Variants in HCK observed in about 807,000 individuals in gnomAD.
The protein encoded by HCK is tyrosine-protein kinase HCK.
HCK carries 40 observed loss-of-function variants against 70.4 expected under a neutral mutation model. The observed-to-expected ratio is 0.57, with a 90% CI of 0.44 to 0.74. The LOEUF (loss-of-function observed/expected upper bound fraction) is 0.74. Ranked by LOEUF, HCK falls within the 30% of genes least tolerant of loss-of-function variation. The pLI is 0.00. For missense variants in HCK, 568 were observed against 697.2 expected (o/e 0.81, Z 2.09); for synonymous variants, 245 against 263.2 (o/e 0.93, Z 0.67).
intron 9 of HCK, among the ~76,000 whole-genome samples, 197 bp downstream of exon 9, chr20:32,087,004 T>A (rs1452044845): frequency 6.6e-6 from 1 of 151,894 alleles, no homozygotes; most frequent in Non-Finnish European, 1.5e-5. Context: ...TGTTAAGGGG[T>A]CACCAAGGGG....
chr20:32,053,620 A>G (rs1012725812), intron 1 of HCK, among the ~76,000 whole-genome samples: 10 of 139,552 alleles, frequency 7.2e-5, no homozygotes, highest in African/African-American at 2.8e-4. Flanking sequence ...CCTGGGCGAC[A>G]GAGAGAGACT....
At chr20:32,093,729 T>A in intron 10 of HCK, 134 bp from the exon 11 acceptor site, 1 of 799,094 alleles carries the variant, frequency 1.3e-6, no homozygotes, top group Non-Finnish European at 1.9e-6. Context: ...CCTGGGGCCC[T>A]CCCGACACAA....
At position 32,071,980 on chromosome 20, in the gene HCK, T is replaced by C. The variant is rs114502178; in HGVS notation, c.183+198T>C. ...TGCATAGGGGCAAAGAAGTCATCTC[T>C]CTTTCCTGCAGCCCAGGCTTGGCCC... is the stretch of plus-strand genomic sequence containing the variant. On this transcript the variant is annotated intron_variant, in intron 2 of 12. Coordinates refer to ENST00000375852, the MANE Select transcript of HCK (RefSeq NM_002110.5). 2,401 of 629,114 alleles carry C rather than the reference T, an allele frequency of 3.8e-3. 57 individuals are homozygous for C. The African/African-American group carries it at 0.039, about 10-fold the overall frequency. 39.0% of individuals were successfully genotyped at this position (629,114 alleles called of 1,614,324 possible).
At chr20:32,058,641 T>TACAC in intron 1 of HCK, among the ~76,000 whole-genome samples, 1 of 70,566 alleles carries the variant, frequency 1.4e-5, no homozygotes, top group African/African-American at 4.2e-5. Flanking sequence ...CACACACACA[T>TACAC]ACACACACTA....
chr20:32,062,908 G>A (rs75163777), intron 1 of HCK, among the ~76,000 whole-genome samples: 3,098 of 152,276 alleles, frequency 0.02, 77 homozygotes, highest in African/African-American at 0.059. Flanking sequence ...TTGCTGAGCT[G>A]TTCTGAGAAG....
chr20:32,068,390 T>A (rs1032613527), intron 1 of HCK, among the ~76,000 whole-genome samples: 2 of 131,924 alleles, frequency 1.5e-5, no homozygotes, highest in Non-Finnish European at 3.0e-5. Context: ...ATGAAAATAA[T>A]TTTTTTTTAA....
At chr20:32,094,781 G>GAA (rs1371645098) in intron 11 of HCK, among the ~76,000 whole-genome samples, 4,495 of 86,514 alleles carry the variant, frequency 0.052, 371 homozygotes, top group African/African-American at 0.085. Context: ...AAGAAAGAGA[G>GAA]AGAAAGAGAA....
intron 1 of HCK, among the ~76,000 whole-genome samples, chr20:32,066,868 G>A (rs573949826): frequency 6.6e-6 from 1 of 152,164 alleles, no homozygotes; most frequent in East Asian, 1.9e-4. Context: ...CCCTTTTTGA[G>A]TCTTGCAGTG....
intron 5 of HCK, among the ~76,000 whole-genome samples, chr20:32,079,206 T>A (rs749924758): frequency 3.9e-5 from 6 of 152,204 alleles, no homozygotes; most frequent in Non-Finnish European, 8.8e-5. Context: ...CTTTCCAATC[T>A]CACATTGTAG....
intron 2 of HCK, among the ~76,000 whole-genome samples, chr20:32,072,918 T>C (rs1334893063): frequency 6.6e-6 from 1 of 152,038 alleles, no homozygotes; most frequent in Non-Finnish European, 1.5e-5. Context: ...CGGGCCAACA[T>C]GGTGAAACCC....
chr20:32,094,791 A>AAG lies in HCK; in HGVS notation c.1246+777_1246+778dup, dbSNP rs1174680314. 4.0e-3 allele frequency among the ~76,000 whole-genome samples: 87 copies of AAG among 21,742 alleles called. 1 individual carries two copies. The highest frequency in any genetic ancestry group is 0.015 in the South Asian group (6 of 400). The allele number at this position is 21,742 out of a possible 152,430, so 14.3% of individuals were successfully genotyped here. ...AAAGAAAGAAAGAGAGAGAAAGAGA[A>AAG]AGAAAGAAAGAAAGAAAGAAAGAAA... On this transcript the variant is annotated intron_variant, in intron 11 of 12. Transcript: ENST00000375852.
chr20:32,084,573 C>A (rs777054556), intron 8 of HCK, 30 bp downstream of exon 8: 2 of 1,594,816 alleles, frequency 1.3e-6, no homozygotes. Context: ...GCCCACAGGG[C>A]CAGAGGGTGG....
intron 5 of HCK, among the ~76,000 whole-genome samples, chr20:32,077,282 A>C (rs996171698): frequency 1.3e-5 from 2 of 152,134 alleles, no homozygotes; most frequent in Admixed American, 1.3e-4. Context: ...CAAATGTTTC[A>C]AAATGCAAAT....
chr20:32,072,005 C>T (rs1276552277), intron 2 of HCK: 2 of 566,346 alleles, frequency 3.5e-6, no homozygotes, highest in Non-Finnish European at 6.1e-6. Context: ...AGGCTTGGCC[C>T]CTCAGCCTGA....
rs143576683 is a variant in HCK at position 32,056,817 on chromosome 20, A to G, written c.62+4331A>G. On this transcript the variant is annotated intron_variant, in intron 1 of 12. Transcript: ENST00000375852. ...GCTTGGACTTTAAACTCTTCTAGAA[A>G]GTAAATTCTACAAGAGCACAAACAT... is the stretch of plus-strand genomic sequence containing the variant. 5.3e-3 allele frequency among the ~76,000 whole-genome samples: 811 copies of G among 152,272 alleles called. 8 individuals carry two copies. Among genetic ancestry groups the G allele is most frequent in the African/African-American group, 0.017 (706 of 41,560 alleles).
chr20:32,073,640 G>T, intron 3 of HCK, 76 bp from the exon 4 acceptor site: 1 of 965,194 alleles, frequency 1.0e-6, no homozygotes, highest in Non-Finnish European at 1.6e-6. Context: ...AGCTGTTCCA[G>T]GTGCCGGGTG....
chr20:32,055,836 T>TC (rs1348005569), intron 1 of HCK, among the ~76,000 whole-genome samples: 1 of 152,012 alleles, frequency 6.6e-6, no homozygotes, highest in African/African-American at 2.4e-5. Flanking sequence ...TACCCCCCAT[T>TC]CCCCCGGCCC....
intron 11 of HCK, among the ~76,000 whole-genome samples, chr20:32,096,313 A>G (rs2045954029): frequency 6.7e-6 from 1 of 148,466 alleles, no homozygotes. Context: ...CCTGGCCAAT[A>G]TGGTGAAACC....
chr20:32,073,724 G>A lies in HCK; in HGVS notation c.235G>A (p.Glu79Lys). The change falls in exon 4 of 13, where the codon GAG (glutamate) becomes AAG (lysine). Residue 79 changes from glutamate to lysine, a missense_variant. Transcript: ENST00000375852. The stretch of plus-strand genomic sequence containing the variant: ...TGTGTCTCCCTTCCCAGCAGGCTCT[G>A]AGGACATCATCGTGGTTGCCCTGTA... 6.4e-7 allele frequency: 1 copy of A among 1,556,648 alleles called. No homozygotes were observed. The highest frequency in any genetic ancestry group is 8.7e-7 in the Non-Finnish European group (1 of 1,148,926).
Sources: gnomAD v4.1 joint callset for allele counts (sites outside exome capture counted in the v4.1 genomes callset) on GRCh38, gnomAD v4.1.1 for gene constraint, MANE v1.5 for transcripts, NCBI Gene and HGNC (gene_info 2026-07-23, HGNC 2026-07-21) for gene names.